The following SH3YL1 variants were observed in gnomAD, a reference collection of about 807,000 sequenced individuals.
The protein encoded by SH3YL1 is SH3 and SYLF domain containing 1.
Under a neutral mutation model 45.8 loss-of-function variants are expected in SH3YL1, and 41 were observed. The observed-to-expected ratio is 0.89, with a 90% CI of 0.70 to 1.16. The LOEUF is 1.16. Ranked by LOEUF, SH3YL1 falls within the 50% of genes most tolerant of loss-of-function variation. The pLI, the probability that SH3YL1 is intolerant of heterozygous loss-of-function variation, is 0.00. For synonymous variants in SH3YL1, 152 were observed against 151.4 expected (o/e 1.00, Z -0.03); for missense variants, 389 against 409.6 (o/e 0.95, Z 0.43).
intron 1 of SH3YL1, among the ~76,000 whole-genome samples, chr2:254,464 C>T (rs1056428107): frequency 6.6e-6 from 1 of 152,170 alleles, no homozygotes; most frequent in Non-Finnish European, 1.5e-5. Flanking sequence ...TCACTGTCTA[C>T]AATTAGGAGG....
intron 8 of SH3YL1, among the ~76,000 whole-genome samples, chr2:225,745 A>G (rs1667762224): frequency 6.6e-6 from 1 of 152,238 alleles, no homozygotes; most frequent in Non-Finnish European, 1.5e-5. Context: ...CTTCACTGTG[A>G]AAATTGGTAC....
rs147149975 is a variant in SH3YL1, at chr2:246,417, C to T, written c.291+1121G>A. On this transcript the variant is annotated intron_variant, in intron 4 of 9. Coordinates refer to ENST00000356150, the MANE Select transcript of SH3YL1 (RefSeq NM_015677.4). ...ATATATTGAAATTTAATACAGACAT[C>T]ATTTCTGAGTCTCTCATCATTTTTG... Among the ~76,000 whole-genome samples, 794 of 152,208 alleles carry T rather than the reference C, an allele frequency of 5.2e-3. 7 individuals are homozygous for T. Among genetic ancestry groups the T allele is most frequent in the South Asian group, 6.2e-3 (30 of 4,820 alleles).
At chr2:260,870 C>T (rs1389901106) in intron 1 of SH3YL1, 1 of 152,204 alleles carries the variant, frequency 6.6e-6, no homozygotes, top group African/African-American at 2.4e-5. Context: ...TGCAAACATC[C>T]TGCTGTAGGG....
intron 8 of SH3YL1, 140 bp downstream of exon 8, chr2:229,826 G>A (rs1405304247): frequency 1.7e-6 from 1 of 592,442 alleles, no homozygotes; most frequent in Non-Finnish European, 3.0e-6. Flanking sequence ...TTTAGAAGAG[G>A]CTGAGCACTT....
intron 9 of SH3YL1, among the ~76,000 whole-genome samples, chr2:221,933 T>C (rs1417681971): frequency 2.0e-5 from 3 of 152,102 alleles, no homozygotes; most frequent in Admixed American, 2.0e-4. Context: ...AATGTAAATA[T>C]TAGAGATAAT....
chr2:264,504 C>T (rs184731440), upstream of SH3YL1: 1 of 181,484 alleles, frequency 5.5e-6, no homozygotes, highest in Non-Finnish European at 1.1e-5. Context: ...TCCAGGTACC[C>T]CTCTCCTGCG....
At position 218,688 on chromosome 2, in the gene SH3YL1, G is replaced by A. The variant is rs1437950979; in HGVS notation, c.*123C>T. The A allele has an allele frequency of 2.7e-5, 22 of 802,544 alleles. No individual in the cohort carries two copies. Among genetic ancestry groups the A allele is most frequent in the Middle Eastern group, 7.4e-4 (2 of 2,692 alleles). The allele number at this position is 802,544 out of a possible 1,614,324, so 49.7% of individuals were successfully genotyped here. ...TAGAAAAACAAAATCTTTTACATAC[G>A]GAATGGAAATTTTGTAGAACAGAAG... On this transcript the variant is annotated 3_prime_UTR_variant, in exon 10 of 10. Transcript: ENST00000356150.
intron 4 of SH3YL1, chr2:239,835 A>C (rs1477636300): frequency 6.6e-6 from 1 of 152,370 alleles, no homozygotes; most frequent in African/African-American, 2.4e-5. Flanking sequence ...GCAAGTGAAG[A>C]AAATGAAGAC....
intron 1 of SH3YL1, chr2:262,523 T>A (rs1669625341): frequency 8.1e-7 from 1 of 1,229,958 alleles, no homozygotes; most frequent in African/African-American, 1.5e-5. Flanking sequence ...CACACTGGTC[T>A]GATCTTTTAG....
intron 4 of SH3YL1, chr2:240,248 C>T (rs940253702): frequency 6.6e-6 from 1 of 152,512 alleles, no homozygotes; most frequent in South Asian, 2.1e-4. Context: ...GCAAGCCAAG[C>T]TACTACACCA....
rs1669689604 is a variant in SH3YL1 at position 263,490 on chromosome 2, G to A, written c.1+494C>T. 3 of 157,610 alleles carry A rather than the reference G, an allele frequency of 1.9e-5. No homozygotes were observed. In the South Asian group the frequency reaches 5.1e-4, roughly 27 times the overall value. The allele number at this position is 157,610 out of a possible 1,614,324, so 9.8% of individuals were successfully genotyped here. On this transcript the variant is annotated intron_variant, in intron 1 of 9. Transcript: ENST00000356150. ...CGCGACCCCGGCGCCAGGTGTTGGG[G>A]GGACCGGCCCTTCCCTTCCGGGTGT...
At chr2:238,613 A>C (rs1271026568) in intron 4 of SH3YL1, among the ~76,000 whole-genome samples, 1 of 151,946 alleles carries the variant, frequency 6.6e-6, no homozygotes, top group Admixed American at 6.6e-5. Flanking sequence ...CTAGCTCTGG[A>C]AACACAGCAA....
At chr2:254,897 TCAGA>T (rs926478094) in intron 1 of SH3YL1, among the ~76,000 whole-genome samples, 3 of 152,238 alleles carry the variant, frequency 2.0e-5, no homozygotes, top group Non-Finnish European at 4.4e-5. Context: ...CAAAGGCTAA[TCAGA>T]CACTCAAAAG....
chr2:253,720 T>C lies in SH3YL1; in HGVS notation c.2-605A>G, dbSNP rs145026995. ...ATTGAGTAGCCCTTCTTTATTCCTT[T>C]ACTTTCTTAATAAACTTGCTTTTAC... On this transcript the variant is annotated intron_variant, in intron 1 of 9. Transcript: ENST00000356150. Among the ~76,000 whole-genome samples, 4 of 152,336 alleles carry C rather than the reference T, an allele frequency of 2.6e-5. No individual in the cohort carries two copies. In the East Asian group the frequency reaches 5.8e-4, roughly 22 times the overall value.
In SH3YL1 at chr2:247,535, T is replaced by G; in HGVS notation, c.291+3A>C. On this transcript the variant is annotated splice_donor_region_variant and intron_variant, in intron 4 of 9. Coordinates refer to ENST00000356150, the MANE Select transcript of SH3YL1 (RefSeq NM_015677.4). ...GTTGTATGGACGTGCACAAGCTACT[T>G]ACCTCAATTCCTATTTCAAATCCTC... The G allele has an allele frequency of 6.4e-7, 1 of 1,551,108 alleles. No individual in the cohort carries two copies. The highest frequency in any genetic ancestry group is 1.4e-5 in the African/African-American group (1 of 73,174).
intron 6 of SH3YL1, 173 bp downstream of exon 6, chr2:232,926 CTG>C: frequency 2.3e-6 from 1 of 433,672 alleles, no homozygotes; most frequent in Non-Finnish European, 3.7e-6. Flanking sequence ...CATGTGTCTT[CTG>C]CATTTTCTAC....
chr2:262,672 A>G, intron 1 of SH3YL1: 1 of 1,304,190 alleles, frequency 7.7e-7, no homozygotes, highest in Non-Finnish European at 1.0e-6. Context: ...TGAGGCTCTC[A>G]GCAGAGTCAG....
rs1388110196 is a variant in SH3YL1 at position 251,381 on chromosome 2, C to T, written c.113-1537G>A. Among the ~76,000 whole-genome samples, 3 of 152,152 alleles carry T rather than the reference C, an allele frequency of 2.0e-5. No individual in the cohort carries two copies. In the East Asian group the frequency reaches 5.8e-4, roughly 29 times the overall value. On this transcript the variant is annotated intron_variant, in intron 2 of 9. Coordinates refer to ENST00000356150, the MANE Select transcript of SH3YL1 (RefSeq NM_015677.4). Reference sequence around the variant, plus strand: ...AATAGCATCTTTGTTTTAATGTAAACATAATGCCCCCCACCAGACTCCCAG... The same window carrying T: ...AATAGCATCTTTGTTTTAATGTAAATATAATGCCCCCCACCAGACTCCCAG...
chr2:253,653 G>A (rs566896216), intron 1 of SH3YL1, among the ~76,000 whole-genome samples: 1 of 152,250 alleles, frequency 6.6e-6, no homozygotes, highest in East Asian at 1.9e-4. Context: ...AAAAACAATT[G>A]TAAGTATCCT....
Sources: gnomAD v4.1 joint callset for allele counts (sites outside exome capture counted in the v4.1 genomes callset) on GRCh38, gnomAD v4.1.1 for gene constraint, MANE v1.5 for transcripts, NCBI Gene and HGNC (gene_info 2026-07-23, HGNC 2026-07-21) for gene names.